Variants in CR1L observed in about 807,000 individuals in gnomAD.
CR1L encodes complement component receptor 1-like protein.
Under a neutral mutation model 62.3 loss-of-function variants are expected in CR1L, and 59 were observed. That is an observed-to-expected ratio of 0.95 (90% CI 0.77 to 1.18). CR1L has a LOEUF of 1.18. Ranked by LOEUF, CR1L falls within the 50% of genes most tolerant of loss-of-function variation. The pLI is 0.00. For missense variants in CR1L, 700 were observed against 702.8 expected (o/e 1.00, Z 0.04); for synonymous variants, 279 against 248.7 (o/e 1.12, Z -1.15).
chr1:207,651,039 C>A (rs940283437), intron 1 of CR1L, among the ~76,000 whole-genome samples: 3 of 152,112 alleles, frequency 2.0e-5, no homozygotes, highest in African/African-American at 7.2e-5. Context: ...CCCGCCTCGG[C>A]CTCCCAAACT....
chr1:207,697,262 G>A (rs1664112442), intron 5 of CR1L, among the ~76,000 whole-genome samples: 1 of 152,172 alleles, frequency 6.6e-6, no homozygotes, highest in Non-Finnish European at 1.5e-5. Flanking sequence ...TACTTTAGAT[G>A]TAAAACAATG....
intron 1 of CR1L, among the ~76,000 whole-genome samples, chr1:207,651,283 C>T (rs1316471140): frequency 8.6e-6 from 1 of 116,156 alleles, no homozygotes; most frequent in Non-Finnish European, 1.9e-5. Flanking sequence ...TGAAATTTTC[C>T]ATAGGAAGAA....
At chr1:207,661,251 C>G (rs985095915) in intron 1 of CR1L, among the ~76,000 whole-genome samples, 4 of 152,210 alleles carry the variant, frequency 2.6e-5, no homozygotes, top group African/African-American at 9.6e-5. Context: ...GGGTGTTAAA[C>G]TCTCCCATTA....
chr1:207,716,297 AGTACAGT>A (rs68044223), intron 10 of CR1L, among the ~76,000 whole-genome samples: 150,782 of 152,126 alleles, frequency 0.99, 74,740 homozygotes, highest in Middle Eastern at 1. Flanking sequence ...ATGATAAATT[AGTACAGT>A]GTACAGTGGA....
rs1227340296 is a variant in CR1L, at chr1:207,710,559, T to C, written c.1414+2296T>C. ...TACTGCACCAGCAAAGATGATCAAGTGGTCGTCTGGAGCGGCCCAGTCCCT... is the reference window on the plus strand; with the variant it reads ...TACTGCACCAGCAAAGATGATCAAGCGGTCGTCTGGAGCGGCCCAGTCCCT... On this transcript the variant is annotated intron_variant, in intron 10 of 11. Coordinates refer to ENST00000508064, the MANE Select transcript of CR1L (RefSeq NM_175710.2). 3.7e-6 allele frequency: 6 copies of C among 1,609,756 alleles called. No homozygotes were observed. In the East Asian group the frequency reaches 6.7e-5, roughly 18 times the overall value.
At chr1:207,697,454 G>A (rs769241882) in intron 5 of CR1L, 49 bp from the exon 6 acceptor site, 45 of 1,612,830 alleles carry the variant, frequency 2.8e-5, no homozygotes, top group African/African-American at 9.3e-5. Context: ...AACAGTGAGA[G>A]AAAAGTTATT....
At chr1:207,681,056 T>C (rs1663787417) in intron 3 of CR1L, among the ~76,000 whole-genome samples, 2 of 152,206 alleles carry the variant, frequency 1.3e-5, no homozygotes, top group Non-Finnish European at 2.9e-5. Context: ...CTGAATCTCA[T>C]TATTTAAGGT....
intron 1 of CR1L, among the ~76,000 whole-genome samples, chr1:207,663,120 C>T (rs187258635): frequency 0.014 from 2,173 of 152,294 alleles, 23 homozygotes; most frequent in Middle Eastern, 0.034. Flanking sequence ...GTAGTCTGCC[C>T]GTTCTCAGAT....
At chr1:207,685,466 T>C (rs1255620079) in intron 4 of CR1L, among the ~76,000 whole-genome samples, 1 of 152,246 alleles carries the variant, frequency 6.6e-6, no homozygotes, top group African/African-American at 2.4e-5. Flanking sequence ...TAGTCGGCTA[T>C]CCCTCTACTT....
intron 3 of CR1L, among the ~76,000 whole-genome samples, chr1:207,683,012 T>TTCTTTTTTTCTTTCTTTCTTTC (rs1663827909): frequency 3.3e-5 from 2 of 60,524 alleles, no homozygotes; most frequent in Admixed American, 1.4e-4. Context: ...TTCTTTCTTT[T>TTCTTTTTTTCTTTCTTTCTTTC]TCTTTCTTTC....
intron 1 of CR1L, among the ~76,000 whole-genome samples, chr1:207,645,970 G>T (rs1663118210): frequency 1.3e-5 from 2 of 152,098 alleles, no homozygotes; most frequent in African/African-American, 4.8e-5. Context: ...CGCGGACTCT[G>T]CGGCTAGGGA....
intron 7 of CR1L, among the ~76,000 whole-genome samples, 158 bp from the exon 8 acceptor site, chr1:207,699,031 G>A (rs1280857268): frequency 6.6e-6 from 1 of 152,148 alleles, no homozygotes; most frequent in Admixed American, 6.5e-5. Context: ...CTCCCTTCTG[G>A]AGGCTGTGAT....
chr1:207,657,027 G>A (rs559901928), intron 1 of CR1L: 154 of 552,496 alleles, frequency 2.8e-4, no homozygotes, highest in Non-Finnish European at 4.4e-4. Context: ...CCAGCTTGTA[G>A]AAACCCTATA....
rs1449969653 is a variant in CR1L at position 207,645,353 on chromosome 1, C to T, written c.97+23C>T. The T allele has an allele frequency of 2.5e-6, 4 of 1,612,422 alleles. 1 individual carries two copies. In the South Asian group the frequency reaches 3.3e-5, roughly 13 times the overall value. ...CCGGTAGGACCCCGGGGTGGATTCG[C>T]GCGTCCGCGGCGAGGCTAGAGCTCT... On this transcript the variant is annotated intron_variant, in intron 1 of 11. Coordinates refer to ENST00000508064, the MANE Select transcript of CR1L (RefSeq NM_175710.2).
chr1:207,722,795 G>T (rs1373430458), intron 11 of CR1L, among the ~76,000 whole-genome samples: 1 of 135,954 alleles, frequency 7.4e-6, no homozygotes, highest in African/African-American at 2.6e-5. Flanking sequence ...AATGTGTGTG[G>T]ACAATAATAC....
chr1:207,688,406 T>A (rs1383703985), intron 4 of CR1L, among the ~76,000 whole-genome samples: 1 of 152,198 alleles, frequency 6.6e-6, no homozygotes, highest in East Asian at 1.9e-4. Flanking sequence ...CATTGTGTTT[T>A]TGTTTGGTTT....
intron 1 of CR1L, among the ~76,000 whole-genome samples, chr1:207,655,758 A>T (rs1558010554): frequency 6.6e-6 from 1 of 152,242 alleles, no homozygotes; most frequent in Non-Finnish European, 1.5e-5. Context: ...GTAAGAATAG[A>T]TGCAATACAA....
Position 207,691,818 on chromosome 1 carries a change from G to A in CR1L, c.464-2535G>A, listed in dbSNP as rs1211568469. Among the ~76,000 whole-genome samples, 3 of 152,060 alleles carry A rather than the reference G, an allele frequency of 2.0e-5. No homozygotes were observed. In the East Asian group the frequency reaches 5.8e-4, roughly 29 times the overall value. ...TCCTCTTTTTGTATTGTTGCCATAC[G>A]TTTTGTAAAAAGAAAAGCTTCAGCT... On this transcript the variant is annotated intron_variant, in intron 4 of 11. Transcript: ENST00000508064.
In CR1L at chr1:207,717,599, T is replaced by C. The variant is rs754682900; in HGVS notation, c.1550T>C (p.Ile517Thr). 8.2e-5 allele frequency: 132 copies of C among 1,613,714 alleles called. 1 individual carries two copies. The highest frequency in any genetic ancestry group is 6.5e-4 in the South Asian group (59 of 91,068). ...HPDRGMTFNL[I>T]GESTIRRTSE... ...GACAGAGGGATGACCTTCAACCTCA[T>C]TGGGGAGAGCACCATCCGCCGCACA... The change falls in exon 11 of 12, where the codon ATT (isoleucine) becomes ACT (threonine). Residue 517 changes from isoleucine to threonine, a missense_variant. By Grantham distance (89) the Ile-to-Thr change is moderately conservative. Coordinates refer to ENST00000508064, the MANE Select transcript of CR1L (RefSeq NM_175710.2).
Sources: allele counts gnomAD v4.1 joint callset (sites outside exome capture counted in the v4.1 genomes callset), GRCh38; gene constraint gnomAD v4.1.1; transcripts MANE v1.5; gene names NCBI Gene and HGNC (gene_info 2026-07-23, HGNC 2026-07-21).